The following MYH10 variants were observed in gnomAD, a reference collection of about 807,000 sequenced individuals.
The protein encoded by MYH10 is myosin-10.
A neutral mutation model predicts 257.8 loss-of-function variants in MYH10; 55 were observed. The ratio of observed to expected loss-of-function variants is 0.21; its 90% confidence interval spans 0.17 to 0.27. MYH10 has a LOEUF of 0.27. Among genes scored for constraint, MYH10 ranks in the 10% least tolerant of loss-of-function variants. MYH10 has a pLI of 1.00. For synonymous variants in MYH10, 854 were observed against 921.7 expected (o/e 0.93, Z 1.33); for missense variants, 1,631 against 2,500.6 (o/e 0.65, Z 7.42).
At chr17:8,556,717 T>C (rs1290344164) in intron 7 of MYH10, among the ~76,000 whole-genome samples, 2 of 152,194 alleles carry the variant, frequency 1.3e-5, no homozygotes, top group African/African-American at 4.8e-5. Flanking sequence ...TACACATTTA[T>C]CTAAACGCAC....
intron 7 of MYH10, chr17:8,561,113 C>A (rs373293336): frequency 3.3e-6 from 2 of 606,460 alleles, no homozygotes; most frequent in African/African-American, 3.7e-5. Context: ...CGACATCAAG[C>A]TGGATTGTAG....
intron 2 of MYH10, among the ~76,000 whole-genome samples, chr17:8,615,946 T>C (rs2085245371): frequency 6.6e-6 from 1 of 152,206 alleles, no homozygotes; most frequent in Non-Finnish European, 1.5e-5. Flanking sequence ...CAAAAAACAT[T>C]GTACTGAAAA....
chr17:8,630,359 C>T (rs554535756), intron 1 of MYH10, among the ~76,000 whole-genome samples: 2 of 151,796 alleles, frequency 1.3e-5, no homozygotes, highest in South Asian at 4.2e-4. Flanking sequence ...CAGGCCCTGA[C>T]CCCCGCGGGT....
chr17:8,588,274 G>C (rs2083987229), intron 4 of MYH10, among the ~76,000 whole-genome samples: 1 of 152,110 alleles, frequency 6.6e-6, no homozygotes, highest in African/African-American at 2.4e-5. Context: ...TTCTAGCACA[G>C]ATCTCACTCT....
chr17:8,504,686 A>G lies in MYH10; in HGVS notation c.3599+8T>C. ...GCGCCCGGGCCCTGCTTCCTCTCCC[A>G]CACTCACCGTAGTTCCTGCTGGGCT... On this transcript the variant is annotated splice_region_variant and intron_variant, in intron 28 of 42. Coordinates refer to ENST00000360416, the MANE Select transcript of MYH10 (RefSeq NM_001256012.3). This position sits in a 1 kb window ranked among gnomAD's most constrained non-coding sequence, Gnocchi z 5.6. 3 of 1,613,094 alleles carry G rather than the reference A, an allele frequency of 1.9e-6. No homozygotes were observed. Among genetic ancestry groups the G allele is most frequent in the Non-Finnish European group, 2.5e-6 (3 of 1,179,718 alleles).
At chr17:8,616,136 A>T (rs1201947628) in intron 2 of MYH10, among the ~76,000 whole-genome samples, 1 of 152,108 alleles carries the variant, frequency 6.6e-6, no homozygotes, top group Non-Finnish European at 1.5e-5. Flanking sequence ...TACAAAAATC[A>T]GCCAGGCATG....
Position 8,507,928 on chromosome 17 carries a change from C to T in MYH10, c.3214+626G>A, listed in dbSNP as rs534532258. Among the ~76,000 whole-genome samples the T allele has an allele frequency of 3.9e-5, 6 of 152,008 alleles. No individual in the cohort carries two copies. The East Asian group carries it at 9.7e-4, about 24-fold the overall frequency. ...TGGAGGTTGCAGTGAGCCAAGATTG[C>T]GCCACTGCACTCCAGCCTGGGCAAC... On this transcript the variant is annotated intron_variant, in intron 26 of 42. Coordinates refer to ENST00000360416, the MANE Select transcript of MYH10 (RefSeq NM_001256012.3).
intron 7 of MYH10, among the ~76,000 whole-genome samples, chr17:8,558,567 TTCAACTTCTAAGTTGTAACA>T (rs1280050223): frequency 6.6e-6 from 1 of 152,198 alleles, no homozygotes; most frequent in Non-Finnish European, 1.5e-5. Flanking sequence ...GCAATCTAAT[TTCAACTTCTAAGTTGTAACA>T]TCTACTATGT....
chr17:8,493,396 A>T (rs976315478), intron 32 of MYH10, among the ~76,000 whole-genome samples: 13 of 152,048 alleles, frequency 8.5e-5, no homozygotes, highest in Admixed American at 2.0e-4. Context: ...GAAAAAAAAA[A>T]CCTTTTGTTT....
At chr17:8,623,547 G>A (rs2085549882) in intron 1 of MYH10, 2 of 184,910 alleles carry the variant, frequency 1.1e-5, no homozygotes, top group African/African-American at 4.7e-5. Flanking sequence ...AAAGTTACAA[G>A]TTGACCCTTT....
Position 8,480,318 on chromosome 17 carries a change from C to A in MYH10, c.5389G>T (p.Val1797Leu). Residue 1797 changes from valine to leucine, a missense_variant and splice_region_variant, in exon 40 of 43, where the codon GTG becomes TTG. Transcript: ENST00000360416. ...NDRFRKTTLQ[V>L]DTLNAELAAE... ...GCTAGCTCGGCGTTCAGTGTGTCCACCTAGAGAGGAGAGAGGAGTTTAGTC... is the reference window on the plus strand; with the variant it reads ...GCTAGCTCGGCGTTCAGTGTGTCCAACTAGAGAGGAGAGAGGAGTTTAGTC... 1 of 1,613,994 alleles carries A rather than the reference C, an allele frequency of 6.2e-7. No homozygotes were observed. The highest frequency in any genetic ancestry group is 8.5e-7 in the Non-Finnish European group (1 of 1,179,964).
At chr17:8,540,925 TAAGCTAC>T (rs1466703905) in intron 14 of MYH10, among the ~76,000 whole-genome samples, 3 of 152,204 alleles carry the variant, frequency 2.0e-5, no homozygotes, top group Non-Finnish European at 4.4e-5. Flanking sequence ...AATGACCCTA[TAAGCTAC>T]AAAGAAGCAA....
intron 23 of MYH10, among the ~76,000 whole-genome samples, chr17:8,513,066 A>G (rs2081351413): frequency 6.6e-6 from 1 of 152,206 alleles, no homozygotes; most frequent in African/African-American, 2.4e-5. Context: ...TATTGCCACA[A>G]CAAACATCTC....
rs977905895 is a variant in MYH10 at position 8,495,023 on chromosome 17, A to G, written c.4056+114T>C. The G allele has an allele frequency of 5.9e-6, 4 of 674,598 alleles. No homozygotes were observed. The African/African-American group carries it at 7.3e-5, about 12-fold the overall frequency. The allele number at this position is 674,598 out of a possible 1,614,324, so 41.8% of individuals were successfully genotyped here. On this transcript the variant is annotated intron_variant, in intron 31 of 42. Transcript: ENST00000360416. ...GGCTGGCTCCAAATAAAAGTATGAC[A>G]TAAAACTAGTAAGAGGTGACACAGA... is the stretch of plus-strand genomic sequence containing the variant.
chr17:8,481,465 G>C (rs1913796537), intron 37 of MYH10, 55 bp from the exon 38 acceptor site: 2 of 1,501,386 alleles, frequency 1.3e-6, no homozygotes, highest in African/African-American at 1.4e-5. Flanking sequence ...CTCACCTGTG[G>C]AATCTGACAG....
At position 8,552,996 on chromosome 17, in the gene MYH10, C is replaced by G. The variant is rs1183724605; in HGVS notation, c.821-852G>C. On this transcript the variant is annotated intron_variant, in intron 8 of 42. Transcript: ENST00000360416. The surrounding 1 kb of genome is among the most constrained non-coding windows in gnomAD (Gnocchi z 4.8). ...ACAGTCACACCGGCATCTCAGAGAA[C>G]GTGTATCACAGCTTTGGAAGATGTT... is the stretch of plus-strand genomic sequence containing the variant. Among the ~76,000 whole-genome samples, 2 of 152,186 alleles carry G rather than the reference C, an allele frequency of 1.3e-5. No homozygotes were observed. Among genetic ancestry groups the G allele is most frequent in the African/African-American group, 4.8e-5 (2 of 41,444 alleles).
intron 4 of MYH10, among the ~76,000 whole-genome samples, chr17:8,579,953 C>T (rs1207057597): frequency 6.6e-6 from 1 of 152,136 alleles, no homozygotes; most frequent in Non-Finnish European, 1.5e-5. Flanking sequence ...GACATTCATT[C>T]TCAGGTGATA....
chr17:8,501,741 TATGGCCAGAGA>T, intron 28 of MYH10, among the ~76,000 whole-genome samples: 1 of 152,356 alleles, frequency 6.6e-6, no homozygotes, highest in South Asian at 2.1e-4. Flanking sequence ...ACAGCAGGTC[TATGGCCAGAGA>T]ATTGGAATGT....
At chr17:8,561,261 C>T (rs778650917) in intron 7 of MYH10, 4 of 973,628 alleles carry the variant, frequency 4.1e-6, no homozygotes, top group Non-Finnish European at 6.6e-6. Context: ...AAAGGTCGTG[C>T]TGAAAAGGGC....
Sources: gnomAD v4.1 joint callset for allele counts (sites outside exome capture counted in the v4.1 genomes callset) on GRCh38, gnomAD v4.1.1 for gene constraint, Gnocchi (gnomAD v3.1) non-coding constraint, MANE v1.5 for transcripts, NCBI Gene and HGNC (gene_info 2026-07-23, HGNC 2026-07-21) for gene names.